WLS: variants seen among roughly 807,000 people sequenced by gnomAD.
WLS encodes Wnt ligand secretion mediator.
WLS carries 23 observed loss-of-function variants against 62.8 expected under a neutral mutation model. That is an observed-to-expected ratio of 0.37 (90% confidence interval 0.26 to 0.52). The LOEUF is 0.52. WLS is among the 20% of genes least tolerant of loss of function. The pLI is 0.92. For missense variants in WLS, 615 were observed against 697.3 expected, an observed-to-expected ratio of 0.88 and a Z score of 1.33; for synonymous variants, 246 against 244.1, an observed-to-expected ratio of 1.01 and a Z score of -0.07.
intron 1 of WLS, among the ~76,000 whole-genome samples, chr1:68,214,691 TCAGTTTCTTTTGGTTGTAAGAGA>T (rs1649660409): frequency 6.6e-6 from 1 of 152,212 alleles, no homozygotes; most frequent in South Asian, 2.1e-4. Context: ...AACAAGTGTA[TCAGTTTCTTTTGGTTGTAAGAGA>T]CAGGAAAGCC....
intron 5 of WLS, among the ~76,000 whole-genome samples, chr1:68,150,728 A>C (rs1646814335): frequency 6.6e-6 from 1 of 152,126 alleles, no homozygotes; most frequent in African/African-American, 2.4e-5. Context: ...CATTAAGAAC[A>C]CTCATTATTA....
chr1:68,195,383 C>A (rs890375221), intron 1 of WLS, among the ~76,000 whole-genome samples: 30 of 152,168 alleles, frequency 2.0e-4, no homozygotes, highest in African/African-American at 6.8e-4. Context: ...TAGTACTGAT[C>A]TTTCCAAGTC....
intron 2 of WLS, among the ~76,000 whole-genome samples, chr1:68,174,440 T>C (rs1647200911): frequency 6.6e-6 from 1 of 152,148 alleles, no homozygotes; most frequent in African/African-American, 2.4e-5. Context: ...CAGGAGACAG[T>C]GGGACAATAT....
At chr1:68,191,050 C>T (rs1648269066) in intron 2 of WLS, among the ~76,000 whole-genome samples, 1 of 87,188 alleles carries the variant, frequency 1.1e-5, no homozygotes, top group South Asian at 5.0e-4. Context: ...AAGGGTGAAA[C>T]TCAGACTCAA....
At chr1:68,143,878 C>A (rs1312523492) in intron 10 of WLS, among the ~76,000 whole-genome samples, 1 of 152,172 alleles carries the variant, frequency 6.6e-6, no homozygotes, top group Non-Finnish European at 1.5e-5. Flanking sequence ...CATCCACAGT[C>A]CTATCCAGCT....
chr1:68,211,134 T>G (rs980200102), intron 1 of WLS, among the ~76,000 whole-genome samples: 22 of 152,208 alleles, frequency 1.4e-4, no homozygotes, highest in Admixed American at 1.2e-3. Context: ...GCTCTTTATT[T>G]GCTGTACACC....
At chr1:68,207,953 G>T (rs1331723167) in intron 1 of WLS, among the ~76,000 whole-genome samples, 2 of 152,228 alleles carry the variant, frequency 1.3e-5, no homozygotes, top group African/African-American at 4.8e-5. Context: ...TCTCTGTTCT[G>T]TCTTCTTGCC....
chr1:68,193,399 A>T (rs1029889776), intron 2 of WLS, among the ~76,000 whole-genome samples: 2 of 29,476 alleles, frequency 6.8e-5, no homozygotes, highest in African/African-American at 1.6e-4. Flanking sequence ...CAAATAAGCT[A>T]AAAAAAAAAA....
At chr1:68,131,715 G>GT (rs1462327971) in intron 11 of WLS, among the ~76,000 whole-genome samples, 2 of 152,158 alleles carry the variant, frequency 1.3e-5, no homozygotes, top group Admixed American at 1.3e-4. Context: ...ATATATTGAA[G>GT]TTCTAACCCC....
In WLS at chr1:68,125,512, C is replaced by T. The variant is rs41287844; in HGVS notation, c.*714G>A. The T allele has an allele frequency of 0.028, 27,208 of 985,306 alleles. 436 individuals are homozygous for T. The highest frequency in any genetic ancestry group is 0.071 in the Middle Eastern group (136 of 1,910). The allele number at this position is 985,306 out of a possible 1,614,324, so 61.0% of individuals were successfully genotyped here. A position where few individuals can be genotyped will look rare whatever the true frequency, so the allele number is the denominator to read the frequency against. On this transcript the variant is annotated 3_prime_UTR_variant, in exon 12 of 12. Coordinates refer to ENST00000262348, the MANE Select transcript of WLS (RefSeq NM_024911.7). Reference sequence around the variant, plus strand: ...AGAAGTTAAAAAAGCTTTTCAGACCCGAAGGCCATTTAATACAGTAAATCT... The same window carrying T: ...AGAAGTTAAAAAAGCTTTTCAGACCTGAAGGCCATTTAATACAGTAAATCT...
chr1:68,203,892 G>A (rs1423578822), intron 1 of WLS, among the ~76,000 whole-genome samples: 1 of 152,200 alleles, frequency 6.6e-6, no homozygotes, highest in Non-Finnish European at 1.5e-5. Context: ...ATAGATAAGA[G>A]CAAGAGCCTG....
intron 11 of WLS, among the ~76,000 whole-genome samples, chr1:68,110,086 A>C (rs1485894137): frequency 6.6e-6 from 1 of 151,392 alleles, no homozygotes; most frequent in Non-Finnish European, 1.5e-5. Context: ...TAGAAGAACT[A>C]CCAAATCAAA....
intron 1 of WLS, among the ~76,000 whole-genome samples, chr1:68,196,417 C>G (rs1300367891): frequency 6.6e-6 from 1 of 151,946 alleles, no homozygotes. Context: ...ATGTGTATTT[C>G]TGTGCATCTG....
intron 1 of WLS, chr1:68,228,238 G>A: frequency 2.2e-6 from 1 of 446,582 alleles, no homozygotes; most frequent in Non-Finnish European, 4.5e-6. Context: ...GTTTGGAATA[G>A]TCTCATTTAT....
chr1:68,226,515 T>C (rs1650147542), intron 1 of WLS, among the ~76,000 whole-genome samples: 1 of 152,226 alleles, frequency 6.6e-6, no homozygotes, highest in African/African-American at 2.4e-5. Flanking sequence ...TTAATATAAT[T>C]AGTTGATGGT....
At chr1:68,133,048 GCAGCAGCAACAGCAA>G (rs200546237) in intron 11 of WLS, among the ~76,000 whole-genome samples, 3 of 53,516 alleles carry the variant, frequency 5.6e-5, no homozygotes, top group Admixed American at 1.9e-4. Flanking sequence ...TGAAAAGGCA[GCAGCAGCAACAGCAA>G]CAGCAGCAGC....
chr1:68,232,075 C>T (rs887345955), intron 1 of WLS, 119 bp downstream of exon 1: 80 of 1,359,494 alleles, frequency 5.9e-5, no homozygotes, highest in Non-Finnish European at 7.7e-5. Flanking sequence ...GCACAATAGC[C>T]GGACTAATTA....
chr1:68,229,408 C>T (rs553165873), intron 1 of WLS, among the ~76,000 whole-genome samples: 1 of 151,472 alleles, frequency 6.6e-6, no homozygotes, highest in Non-Finnish European at 1.5e-5. Flanking sequence ...ACTTGGCCTA[C>T]TGCAGATATA....
intron 2 of WLS, among the ~76,000 whole-genome samples, chr1:68,187,722 T>A (rs541579025): frequency 1.3e-5 from 2 of 152,124 alleles, no homozygotes; most frequent in Non-Finnish European, 2.9e-5. Flanking sequence ...CAAATGAGTT[T>A]GGAGAATTCT....
Sources: gnomAD v4.1 joint callset for allele counts (sites outside exome capture counted in the v4.1 genomes callset) on GRCh38, gnomAD v4.1.1 for gene constraint, MANE v1.5 for transcripts, NCBI Gene and HGNC (gene_info 2026-07-23, HGNC 2026-07-21) for gene names.